Variants in EPS15L1 observed in about 807,000 individuals in gnomAD.
EPS15L1 encodes the protein epidermal growth factor receptor substrate 15-like 1.
EPS15L1 carries 43 observed loss-of-function variants against 117.1 expected under a neutral mutation model. That is an observed-to-expected ratio of 0.37 (90% CI 0.29 to 0.47). EPS15L1 has a LOEUF of 0.47. EPS15L1 is among the 20% of genes least tolerant of loss of function. The pLI, the probability that EPS15L1 is intolerant of heterozygous loss-of-function variation, is 0.99. For missense variants in EPS15L1, 981 were observed against 1,164.0 expected, an observed-to-expected ratio of 0.84 and a Z score of 2.29; for synonymous variants, 459 against 470.5, an observed-to-expected ratio of 0.98 and a Z score of 0.32.
chr19:16,418,586 T>C (rs549276736), intron 10 of EPS15L1, among the ~76,000 whole-genome samples: 1 of 152,302 alleles, frequency 6.6e-6, no homozygotes, highest in East Asian at 1.9e-4. Context: ...GTCATCATGA[T>C]GAAGAAAGAA....
rs370823657 is a variant in EPS15L1 at position 16,415,590 on chromosome 19, G to A, written c.1194-1745C>T. On this transcript the variant is annotated intron_variant, in intron 12 of 23. Transcript: ENST00000455140. ...ACCTGACATGCCCTTGCTGGCTTAT[G>A]GCAGTGTGAAATCATAAGAGGAAAG... 2.7e-3 allele frequency among the ~76,000 whole-genome samples: 411 copies of A among 152,336 alleles called. 2 individuals are homozygous for A. Among genetic ancestry groups the A allele is most frequent in the African/African-American group, 9.5e-3 (394 of 41,572 alleles).
At chr19:16,441,025 C>T in intron 3 of EPS15L1, 116 bp from the exon 4 acceptor site, 2 of 977,854 alleles carry the variant, frequency 2.0e-6, no homozygotes, top group Non-Finnish European at 3.3e-6. Context: ...GTGACTGTCC[C>T]CAGGTTGTCC....
At chr19:16,422,018 A>G (rs892659875) in intron 9 of EPS15L1, among the ~76,000 whole-genome samples, 1 of 152,168 alleles carries the variant, frequency 6.6e-6, no homozygotes, top group African/African-American at 2.4e-5. Flanking sequence ...GAGTACACAC[A>G]CGTCACTGAC....
rs1198369072 is a variant in EPS15L1 at position 16,442,238 on chromosome 19, A to T, written c.34-19T>A. 1.9e-6 allele frequency: 3 copies of T among 1,611,872 alleles called. No homozygotes were observed. Among genetic ancestry groups the T allele is most frequent in the Non-Finnish European group, 2.5e-6 (3 of 1,178,182 alleles). On this transcript the variant is annotated intron_variant, in intron 1 of 23. Transcript: ENST00000455140. The stretch of plus-strand genomic sequence containing the variant: ...TGGGAATCTGTAAATGAAACCACAG[A>T]TATTGGTCAAAAGTGAACACAACCC...
chr19:16,402,215 T>C (rs1033116658), intron 16 of EPS15L1, 106 bp downstream of exon 16: 1 of 1,478,360 alleles, frequency 6.8e-7, no homozygotes, highest in African/African-American at 1.4e-5. Flanking sequence ...CGCCTGCACT[T>C]GGCTGGAACC....
At chr19:16,456,773 G>T (rs1364393140) in intron 1 of EPS15L1, among the ~76,000 whole-genome samples, 1 of 152,200 alleles carries the variant, frequency 6.6e-6, no homozygotes, top group Non-Finnish European at 1.5e-5. Flanking sequence ...TATGACTGCA[G>T]CAGTAGGCAC....
At chr19:16,432,043 A>G (rs916926757) in intron 7 of EPS15L1, among the ~76,000 whole-genome samples, 9 of 152,174 alleles carry the variant, frequency 5.9e-5, no homozygotes, top group Non-Finnish European at 1.0e-4. Flanking sequence ...GTATGCGTAC[A>G]TTTCGGTGTA....
In EPS15L1 at chr19:16,417,622, G is replaced by A; in HGVS notation, c.1123C>T (p.Leu375Phe). 1 of 1,614,194 alleles carries A rather than the reference G, an allele frequency of 6.2e-7. No individual in the cohort carries two copies. Among genetic ancestry groups the A allele is most frequent in the Non-Finnish European group, 8.5e-7 (1 of 1,180,020 alleles). Residue 375 changes from leucine to phenylalanine, a missense_variant, in exon 12 of 24, where the codon CTC (leucine) becomes TTC (phenylalanine). Leu to Phe is a conservative substitution (Grantham distance 22). Around this residue, in one of 5 missense-constraint regions of EPS15L1, gnomAD observed 819 missense variants for 949.0 expected, o/e 0.86. Transcript: ENST00000455140. ...GTPGPDSSGSLGSGEFTGVKE... is the reference protein window; with the variant it reads ...GTPGPDSSGSFGSGEFTGVKE... ...ACGCCAGTAAACTCCCCGGAGCCGA[G>A]AGAGCCTGAACTGTCCTAGAATTGA...
chr19:16,452,664 A>T (rs2093157883), intron 1 of EPS15L1, among the ~76,000 whole-genome samples: 1 of 152,068 alleles, frequency 6.6e-6, no homozygotes, highest in Non-Finnish European at 1.5e-5. Flanking sequence ...TAAGAACTAA[A>T]AATATACGTA....
intron 1 of EPS15L1, among the ~76,000 whole-genome samples, chr19:16,454,693 G>A (rs989554400): frequency 6.6e-6 from 1 of 152,172 alleles, no homozygotes; most frequent in Non-Finnish European, 1.5e-5. Context: ...TCGCTGCCCT[G>A]GAGAGGAACC....
chr19:16,462,554 C>T (rs1427758732), intron 1 of EPS15L1, among the ~76,000 whole-genome samples: 1 of 152,142 alleles, frequency 6.6e-6, no homozygotes, highest in African/African-American at 2.4e-5. Context: ...ACCTGTAATC[C>T]CAGCTACTTG....
chr19:16,428,947 C>G (rs1345259400), intron 7 of EPS15L1, among the ~76,000 whole-genome samples, 186 bp from the exon 8 acceptor site: 1 of 152,134 alleles, frequency 6.6e-6, no homozygotes, highest in Admixed American at 6.6e-5. Flanking sequence ...CTGTCAACTA[C>G]CAGATCTGTG....
chr19:16,393,662 AT>A (rs1456767323), intron 18 of EPS15L1, among the ~76,000 whole-genome samples: 24 of 146,702 alleles, frequency 1.6e-4, no homozygotes, highest in Middle Eastern at 3.4e-3. Flanking sequence ...AAAAAAAAAA[AT>A]AAAAAATAAA....
At chr19:16,377,019 C>T in intron 22 of EPS15L1, 103 bp downstream of exon 22, 1 of 1,414,590 alleles carries the variant, frequency 7.1e-7, no homozygotes, top group Non-Finnish European at 9.5e-7. Flanking sequence ...ACACAGGGTC[C>T]CACGGCATCT....
chr19:16,448,063 C>T (rs140962962), intron 1 of EPS15L1, among the ~76,000 whole-genome samples: 1 of 152,120 alleles, frequency 6.6e-6, no homozygotes. Context: ...ACATGGGCCT[C>T]GAACTAAAAG....
intron 7 of EPS15L1, 24 bp from the exon 8 acceptor site, chr19:16,428,785 G>A: frequency 6.3e-7 from 1 of 1,593,984 alleles, no homozygotes; most frequent in Admixed American, 1.7e-5. Flanking sequence ...ACCAGCATGG[G>A]TAACTGTGGG....
At chr19:16,402,281 A>C (rs1432834736) in intron 16 of EPS15L1, 40 bp downstream of exon 16, 1 of 1,553,374 alleles carries the variant, frequency 6.4e-7, no homozygotes, top group Non-Finnish European at 8.7e-7. Context: ...ACACCAGGGG[A>C]CCAGAGCCCC....
At chr19:16,460,989 AGCAC>A (rs796895075) in intron 1 of EPS15L1, among the ~76,000 whole-genome samples, 19 of 152,322 alleles carry the variant, frequency 1.2e-4, no homozygotes, top group African/African-American at 4.6e-4. Context: ...AAAATTGAAA[AGCAC>A]GTCCTCTTCA....
chr19:16,392,413 T>C lies in EPS15L1; in HGVS notation c.1994A>G (p.Glu665Gly). ...GGCAGAGCCACGGAATGGGTCACTT[T>C]CTTTGAAAGGGTCCCCTCCAAATGG... ...TDPFGGDPFKESDPFRGSATD... is the reference protein window; with the variant it reads ...TDPFGGDPFKGSDPFRGSATD... The change falls in exon 19 of 24, where the codon GAA becomes GGA. Residue 665 changes from glutamate to glycine, a missense_variant. Glu to Gly is a moderately conservative substitution (Grantham distance 98, BLOSUM62 -2). This residue lies in a region of EPS15L1 where 819 missense variants were observed against 949.0 expected (regional missense o/e 0.86). Transcript: ENST00000455140. The C allele has an allele frequency of 6.2e-7, 1 of 1,614,234 alleles. No individual in the cohort carries two copies. The highest frequency in any genetic ancestry group is 8.5e-7 in the Non-Finnish European group (1 of 1,180,034).
Sources: gnomAD v4.1 joint callset for allele counts (sites outside exome capture counted in the v4.1 genomes callset) on GRCh38, gnomAD v4.1.1 for gene constraint, gnomAD v4.1.1 regional missense constraint, MANE v1.5 for transcripts, NCBI Gene and HGNC (gene_info 2026-07-23, HGNC 2026-07-21) for gene names.